DLG2: variants seen among roughly 807,000 people sequenced by gnomAD.
DLG2 encodes disks large homolog 2.
In DLG2, 45 loss-of-function variants were observed where a neutral mutation model predicts 132.5. The observed-to-expected ratio is 0.34, with a 90% CI of 0.27 to 0.44. DLG2 has a LOEUF of 0.44. Among genes scored for constraint, DLG2 ranks in the 20% least tolerant of loss-of-function variants. The pLI is 1.00. For missense variants in DLG2, 1,045 were observed against 1,196.9 expected (o/e 0.87, Z 1.87); for synonymous variants, 424 against 419.6 (o/e 1.01, Z -0.13).
In DLG2 at chr11:85,508,484, C is replaced by T. The variant is rs776429477; in HGVS notation, c.40+90173G>A. 4.6e-5 allele frequency among the ~76,000 whole-genome samples: 7 copies of T among 151,882 alleles called. No homozygotes were observed. The South Asian group carries it at 1.0e-3, about 22-fold the overall frequency. ...TTCTACCTTAGGTATGTTCTTTATC[C>T]CCCTACTCTGTTTTATTTTTTGTGG... On this transcript the variant is annotated intron_variant, in intron 3 of 27. Transcript: ENST00000376104.
chr11:83,876,816 A>G (rs2064897312), intron 15 of DLG2, among the ~76,000 whole-genome samples: 1 of 152,128 alleles, frequency 6.6e-6, no homozygotes, highest in Non-Finnish European at 1.5e-5. Flanking sequence ...ACAGAAACAT[A>G]TGTAACTTCA....
intron 6 of DLG2, among the ~76,000 whole-genome samples, chr11:84,780,365 G>A (rs1268923077): frequency 6.6e-6 from 1 of 151,794 alleles, no homozygotes; most frequent in East Asian, 1.9e-4. Flanking sequence ...ACTATACATA[G>A]AAGCAACATA....
chr11:84,758,926 G>C (rs2153850246), intron 6 of DLG2, among the ~76,000 whole-genome samples: 2 of 152,224 alleles, frequency 1.3e-5, no homozygotes, highest in South Asian at 4.1e-4. Context: ...CACCCAGGCT[G>C]GAGTGCAGTG....
chr11:84,463,949 A>G (rs1280079641), intron 7 of DLG2, among the ~76,000 whole-genome samples: 3 of 151,290 alleles, frequency 2.0e-5, no homozygotes, highest in Non-Finnish European at 4.4e-5. Flanking sequence ...CACTTCGGGC[A>G]TAAACTGAAG....
chr11:85,277,233 C>G (rs887574614), intron 4 of DLG2, among the ~76,000 whole-genome samples: 6 of 152,178 alleles, frequency 3.9e-5, no homozygotes, highest in Admixed American at 2.0e-4. Flanking sequence ...AGAGGAAAAT[C>G]CTGACTATGA....
intron 11 of DLG2, among the ~76,000 whole-genome samples, chr11:84,029,809 C>T (rs1039308232): frequency 1.8e-4 from 28 of 152,188 alleles, no homozygotes; most frequent in Non-Finnish European, 1.0e-4. Flanking sequence ...GGTATTTCTG[C>T]ATGAAGTGTT....
chr11:84,047,524 A>T (rs1190554657), intron 11 of DLG2, among the ~76,000 whole-genome samples: 1 of 151,628 alleles, frequency 6.6e-6, no homozygotes, highest in Non-Finnish European at 1.5e-5. Context: ...AATTCCATGT[A>T]GGTAAATATT....
intron 7 of DLG2, among the ~76,000 whole-genome samples, chr11:84,426,309 A>T (rs1677218478): frequency 1.3e-5 from 2 of 152,094 alleles, no homozygotes; most frequent in African/African-American, 2.4e-5. Context: ...GACCAAAAAA[A>T]TTCCTAAACC....
intron 18 of DLG2, among the ~76,000 whole-genome samples, chr11:83,765,741 G>C (rs930871436): frequency 1.3e-5 from 2 of 152,170 alleles, no homozygotes; most frequent in Non-Finnish European, 2.9e-5. Context: ...GCCTAGCAAA[G>C]GGCTGGAACA....
chr11:84,734,463 C>CTTGT (rs2063563447), intron 6 of DLG2, among the ~76,000 whole-genome samples: 1 of 152,088 alleles, frequency 6.6e-6, no homozygotes, highest in African/African-American at 2.4e-5. Flanking sequence ...TATAAGAATG[C>CTTGT]TTGTGATTTT....
intron 18 of DLG2, among the ~76,000 whole-genome samples, chr11:83,709,547 A>C (rs1207629158): frequency 6.6e-6 from 1 of 152,064 alleles, no homozygotes; most frequent in Non-Finnish European, 1.5e-5. Context: ...TTACCACCCC[A>C]GTGCTGGTAA....
At chr11:84,577,676 G>A (rs2099505161) in intron 6 of DLG2, among the ~76,000 whole-genome samples, 2 of 152,030 alleles carry the variant, frequency 1.3e-5, no homozygotes, top group South Asian at 2.1e-4. Flanking sequence ...CATGTGAAAC[G>A]GAGCATAAAA....
At chr11:83,491,861 CCTT>C (rs2138266109) in intron 21 of DLG2, among the ~76,000 whole-genome samples, 1 of 151,930 alleles carries the variant, frequency 6.6e-6, no homozygotes, top group South Asian at 2.1e-4. Context: ...CAAAGTTATC[CCTT>C]CTTCTCTTCC....
intron 3 of DLG2, among the ~76,000 whole-genome samples, chr11:85,522,427 G>A (rs571034671): frequency 1.3e-5 from 2 of 152,306 alleles, no homozygotes; most frequent in African/African-American, 2.4e-5. Context: ...ATGTGGGGTT[G>A]GAGCCCCCAT....
intron 18 of DLG2, among the ~76,000 whole-genome samples, chr11:83,669,926 T>C (rs1465865364): frequency 6.6e-6 from 1 of 152,234 alleles, no homozygotes; most frequent in African/African-American, 2.4e-5. Flanking sequence ...GAGGGAAAGA[T>C]AGTTTAAAAC....
rs555417534 is a variant in DLG2 at position 85,513,115 on chromosome 11, C to A, written c.40+85542G>T. ...AAGAGAAAACAAAACACAGCATATT[C>A]TCACTTATAAGTGGGAGCTAAACAT... On this transcript the variant is annotated intron_variant, in intron 3 of 27. Coordinates refer to ENST00000376104, the MANE Select transcript of DLG2 (RefSeq NM_001142699.3). Among the ~76,000 whole-genome samples the A allele has an allele frequency of 2.0e-5, 3 of 152,094 alleles. No individual in the cohort carries two copies. In the East Asian group the frequency reaches 5.8e-4, roughly 29 times the overall value.
Position 84,296,438 on chromosome 11 carries a change from G to A in DLG2, c.520-45147C>T, listed in dbSNP as rs564175804. ...GGATGTGTTCCAGAGATGTACTTAT[G>A]ATTTTTTTCTCTCTTTGAGTTGGGG... On this transcript the variant is annotated intron_variant, in intron 7 of 27. Coordinates refer to ENST00000376104, the MANE Select transcript of DLG2 (RefSeq NM_001142699.3). Among the ~76,000 whole-genome samples, 7 of 152,196 alleles carry A rather than the reference G, an allele frequency of 4.6e-5. No homozygotes were observed. In the South Asian group the frequency reaches 1.5e-3, roughly 32 times the overall value.
intron 6 of DLG2, among the ~76,000 whole-genome samples, chr11:84,825,924 C>G (rs1232301053): frequency 1.3e-5 from 2 of 151,878 alleles, no homozygotes; most frequent in African/African-American, 4.8e-5. Flanking sequence ...CTTATCTCAG[C>G]ATCTCCAGTC....
At chr11:83,696,830 G>A (rs1182120237) in intron 18 of DLG2, among the ~76,000 whole-genome samples, 2 of 152,192 alleles carry the variant, frequency 1.3e-5, no homozygotes, top group African/African-American at 2.4e-5. Flanking sequence ...TGGAAGAAAA[G>A]TGATACTGCT....
Sources: gnomAD v4.1 joint callset for allele counts (sites outside exome capture counted in the v4.1 genomes callset) on GRCh38, gnomAD v4.1.1 for gene constraint, MANE v1.5 for transcripts, NCBI Gene and HGNC (gene_info 2026-07-23, HGNC 2026-07-21) for gene names.